TENM1: variants seen among roughly 807,000 people sequenced by gnomAD.
The protein encoded by TENM1 is teneurin-1.
In TENM1, 35 loss-of-function variants were observed where a neutral mutation model predicts 174.8. That is an observed-to-expected ratio of 0.20 (90% CI 0.15 to 0.27). TENM1 has a LOEUF of 0.27. TENM1 is among the 10% of genes least tolerant of loss of function. The pLI, the probability that TENM1 is intolerant of heterozygous loss-of-function variation, is 1.00. For synonymous variants in TENM1, 781 were observed against 798.7 expected (o/e 0.98, Z 0.37); for missense variants, 1,633 against 2,130.1 (o/e 0.77, Z 4.59).
chrX:125,081,938 T>C, the TENM1 span, among the ~76,000 whole-genome samples: 1 of 110,384 alleles, frequency 9.1e-6, no homozygotes, highest in African/African-American at 3.3e-5. Context: ...AGCTAAACAA[T>C]GTGTAGATAT....
the TENM1 span, among the ~76,000 whole-genome samples, chrX:124,982,483 T>A: frequency 1.8e-5 from 2 of 111,293 alleles, no homozygotes; most frequent in African/African-American, 3.3e-5. Flanking sequence ...GGAAGGGAGA[T>A]GCCAGAGAGC....
chrX:124,626,167 C>T (rs966368197), intron 11 of TENM1, among the ~76,000 whole-genome samples: 10 of 110,638 alleles, frequency 9.0e-5, no homozygotes, highest in African/African-American at 3.3e-4. Context: ...CAGATTAGGG[C>T]GAGCTACTCC....
exon 25 of TENM1, chrX:124,420,755 C>A: frequency 8.3e-7 from 1 of 1,211,131 alleles, no homozygotes; most frequent in Non-Finnish European, 1.1e-6. Flanking sequence ...ATAGAGGGTT[C>A]CATCAGGCGA....
At chrX:124,948,564 GTTT>G (rs35864167) in intron 1 of TENM1, among the ~76,000 whole-genome samples, 1 of 111,052 alleles carries the variant, frequency 9.0e-6, no homozygotes, top group African/African-American at 3.4e-5. Context: ...TGTTGTTGTT[GTTT>G]TTGAGACAGA....
intron 3 of TENM1, among the ~76,000 whole-genome samples, chrX:124,840,966 G>A (rs772857246): frequency 8.9e-6 from 1 of 112,016 alleles, no homozygotes; most frequent in African/African-American, 3.2e-5. Context: ...CAGGAATGAA[G>A]TTAGAACATG....
At chrX:124,377,383 T>C (rs1041879536) in exon 32 of TENM1, 3 of 111,341 alleles carry the variant, frequency 2.7e-5, no homozygotes, top group African/African-American at 9.8e-5. Context: ...ATTTTATACA[T>C]TTTTTGGGTT....
At chrX:124,530,851 T>G (rs1347215154) in intron 15 of TENM1, among the ~76,000 whole-genome samples, 1 of 112,493 alleles carries the variant, frequency 8.9e-6, no homozygotes, top group Non-Finnish European at 1.9e-5. Context: ...TTCAGGGACA[T>G]AGTCCACTAA....
chrX:124,874,669 T>A (rs1200780539), intron 3 of TENM1, among the ~76,000 whole-genome samples: 2 of 111,229 alleles, frequency 1.8e-5, no homozygotes, highest in Admixed American at 9.6e-5. Context: ...TTATAGTACT[T>A]ATTTTCACAT....
intron 4 of TENM1, among the ~76,000 whole-genome samples, chrX:124,723,439 A>C (rs757162347): frequency 3.6e-5 from 4 of 111,116 alleles, no homozygotes; most frequent in Admixed American, 9.6e-5. Flanking sequence ...CTCCTAATAC[A>C]TAAGTGTTGC....
the TENM1 span, among the ~76,000 whole-genome samples, chrX:125,065,243 T>C: frequency 8.9e-6 from 1 of 112,020 alleles, no homozygotes; most frequent in Admixed American, 9.5e-5. Context: ...CTTGTTGACT[T>C]TCTGGAGGGC....
At chrX:124,957,884 T>C (rs2058600610) in intron 1 of TENM1, among the ~76,000 whole-genome samples, 1 of 111,952 alleles carries the variant, frequency 8.9e-6, no homozygotes, top group South Asian at 3.7e-4. Flanking sequence ...ATGGAGATAT[T>C]CAAAAACTAA....
chrX:124,446,012 T>G (rs6649229), intron 23 of TENM1, among the ~76,000 whole-genome samples: 27,797 of 111,530 alleles, frequency 0.25, 2,993 homozygotes, highest in East Asian at 0.8. Context: ...TTTCAGTAAA[T>G]CAAAAAAAGA....
At chrX:124,860,333 C>T (rs966388796) in intron 3 of TENM1, among the ~76,000 whole-genome samples, 8 of 111,605 alleles carry the variant, frequency 7.2e-5, no homozygotes, top group African/African-American at 1.6e-4. Context: ...AGTAGTGCTA[C>T]GGCATTAAAG....
the TENM1 span, among the ~76,000 whole-genome samples, chrX:125,098,790 G>A: frequency 2.4e-4 from 27 of 111,763 alleles, no homozygotes; most frequent in Non-Finnish European, 4.3e-4. Flanking sequence ...CGTGTACAGG[G>A]TAACAGCAAC....
chrX:124,775,532 A>G (rs995960811), intron 3 of TENM1, among the ~76,000 whole-genome samples: 2 of 111,675 alleles, frequency 1.8e-5, no homozygotes, highest in African/African-American at 3.3e-5. Flanking sequence ...GAAGTCTGAA[A>G]AAAGGTTTCT....
chrX:124,763,437 T>C (rs998373013), intron 3 of TENM1, among the ~76,000 whole-genome samples: 1 of 111,624 alleles, frequency 9.0e-6, no homozygotes, highest in East Asian at 2.8e-4. Context: ...AGGTATGCTA[T>C]GTGCCCAAGT....
At chrX:124,931,803 G>A (rs1294952648) in intron 1 of TENM1, among the ~76,000 whole-genome samples, 1 of 110,404 alleles carries the variant, frequency 9.1e-6, no homozygotes, top group African/African-American at 3.3e-5. Flanking sequence ...AATCTGAGGT[G>A]GCATGAAGCC....
At chrX:124,726,527 A>AT (rs1402458633) in intron 4 of TENM1, among the ~76,000 whole-genome samples, 6 of 112,438 alleles carry the variant, frequency 5.3e-5, no homozygotes, top group Admixed American at 4.7e-4. Context: ...TAGGTCATAG[A>AT]TTAGTTCTAC....
the TENM1 span, among the ~76,000 whole-genome samples, chrX:125,051,833 A>C: frequency 3.8e-5 from 4 of 104,538 alleles, no homozygotes; most frequent in Admixed American, 1.0e-4. Context: ...CAAAAGCCAA[A>C]ATTGACAAAT....
Sources: allele counts gnomAD v4.1 joint callset (sites outside exome capture counted in the v4.1 genomes callset), GRCh38; gene constraint gnomAD v4.1.1; transcripts MANE v1.5; gene names NCBI Gene and HGNC (gene_info 2026-07-23, HGNC 2026-07-21).